RCOR1: variants seen among roughly 807,000 people sequenced by gnomAD.
RCOR1 encodes the protein REST corepressor.
A neutral mutation model predicts 64.0 loss-of-function variants in RCOR1; 12 were observed. The observed-to-expected ratio is 0.19, with a 90% CI of 0.12 to 0.30. The LOEUF (loss-of-function observed/expected upper bound fraction) is 0.30. Among genes scored for constraint, RCOR1 ranks in the 10% least tolerant of loss-of-function variants. The pLI, the probability that RCOR1 is intolerant of heterozygous loss-of-function variation, is 1.00. For missense variants in RCOR1, 502 were observed against 621.2 expected (o/e 0.81, Z 2.04); for synonymous variants, 279 against 227.2 (o/e 1.23, Z -2.05).
intron 8 of RCOR1, among the ~76,000 whole-genome samples, chr14:102,718,547 A>G (rs1358933427): frequency 6.6e-6 from 1 of 152,076 alleles, no homozygotes; most frequent in African/African-American, 2.4e-5. Flanking sequence ...TGCCCACAGT[A>G]AAGTAGAAAA....
chr14:102,607,893 CA>C (rs1206741445), intron 2 of RCOR1, among the ~76,000 whole-genome samples: 1 of 151,618 alleles, frequency 6.6e-6, no homozygotes, highest in Non-Finnish European at 1.5e-5. Flanking sequence ...AGAAAAACCA[CA>C]AAGTACAAAA....
chr14:102,601,186 C>T (rs966709308), intron 2 of RCOR1, among the ~76,000 whole-genome samples: 2 of 150,986 alleles, frequency 1.3e-5, no homozygotes, highest in Non-Finnish European at 2.9e-5. Context: ...GAGACTCTGT[C>T]TCAAAAAAAA....
chr14:102,666,073 A>G (rs1186437861), intron 2 of RCOR1, among the ~76,000 whole-genome samples: 3 of 152,184 alleles, frequency 2.0e-5, no homozygotes, highest in Non-Finnish European at 4.4e-5. Context: ...GAGTAAGCAG[A>G]CTTACAAAGA....
At chr14:102,676,333 CG>C (rs1209550174) in intron 2 of RCOR1, among the ~76,000 whole-genome samples, 1 of 136,430 alleles carries the variant, frequency 7.3e-6, no homozygotes, top group Non-Finnish European at 1.6e-5. Flanking sequence ...GCTGGCCGGG[CG>C]GGGGGCTGAC....
Position 102,592,852 on chromosome 14 carries a change from TCCCCGCCACTTTCGCACGGCCCCGGCC to T in RCOR1, c.-31_-5del, listed in dbSNP as rs1362170488. 3 of 1,171,738 alleles carry T rather than the reference TCCCCGCCACTTTCGCACGGCCCCGGCC, an allele frequency of 2.6e-6. No homozygotes were observed. Among genetic ancestry groups the T allele is most frequent in the African/African-American group, 1.7e-5 (1 of 58,958 alleles). The allele number at this position is 1,171,738 out of a possible 1,614,324, so 72.6% of individuals were successfully genotyped here. A position where few individuals can be genotyped will look rare whatever the true frequency, so the allele number is the denominator to read the frequency against. On this transcript the variant is annotated 5_prime_UTR_variant, in exon 1 of 12. Coordinates refer to ENST00000262241, the MANE Select transcript of RCOR1 (RefSeq NM_015156.4). ...GCGCCCCCTCCTCAGGAGCCGCGGG[TCCCCGCCACTTTCGCACGGCCCCGGCC>T]CCCGCCGATGCCGGCCATGGTGGAG...
At chr14:102,596,170 G>A (rs1334752378) in intron 2 of RCOR1, among the ~76,000 whole-genome samples, 1 of 150,414 alleles carries the variant, frequency 6.6e-6, no homozygotes, top group Non-Finnish European at 1.5e-5. Context: ...GGCGTGATCT[G>A]GGCTCACCGC....
chr14:102,593,417 TTC>T (rs1893175897), intron 2 of RCOR1, 92 bp downstream of exon 2: 4 of 1,337,524 alleles, frequency 3.0e-6, no homozygotes, highest in Non-Finnish European at 3.9e-6. Flanking sequence ...GCCGACAACT[TTC>T]TTTTTGTGCG....
rs150953766 is a variant in RCOR1 at position 102,718,777 on chromosome 14, C to T, written c.1054-2230C>T. On this transcript the variant is annotated intron_variant, in intron 8 of 11. Coordinates refer to ENST00000262241, the MANE Select transcript of RCOR1 (RefSeq NM_015156.4). ...TGCTTAATAAACACTAGATGTTTGG[C>T]GGGGGGAAGGGGGCGTATTTTGTTT... Among the ~76,000 whole-genome samples, 29 of 151,776 alleles carry T rather than the reference C, an allele frequency of 1.9e-4. No individual in the cohort carries two copies. In the East Asian group the frequency reaches 2.9e-3, roughly 15 times the overall value.
At chr14:102,680,990 T>A (rs1210642590) in intron 2 of RCOR1, among the ~76,000 whole-genome samples, 1 of 152,170 alleles carries the variant, frequency 6.6e-6, no homozygotes, top group Non-Finnish European at 1.5e-5. Flanking sequence ...CAGATTTTAC[T>A]AAAAATGTAA....
chr14:102,600,955 C>T (rs534713541), intron 2 of RCOR1, among the ~76,000 whole-genome samples: 2 of 150,836 alleles, frequency 1.3e-5, no homozygotes, highest in Non-Finnish European at 1.5e-5. Context: ...TTTGGGAGGC[C>T]GAGGCAGGCG....
chr14:102,726,801 C>G lies in RCOR1; in HGVS notation c.*295C>G. ...GGGAACCGCCTCTCCCGCCGGAGCC[C>G]CCGAGCCCCACCAATGGCAGCTCTT... On this transcript the variant is annotated 3_prime_UTR_variant, in exon 12 of 12. Transcript: ENST00000262241. 1 of 389,180 alleles carries G rather than the reference C, an allele frequency of 2.6e-6. No individual in the cohort carries two copies. The highest frequency in any genetic ancestry group is 4.6e-6 in the Non-Finnish European group (1 of 218,888). 24.1% of individuals were successfully genotyped at this position (389,180 alleles called of 1,614,324 possible). A position where few individuals can be genotyped will look rare whatever the true frequency, so the allele number is the denominator to read the frequency against.
At chr14:102,676,625 G>GA (rs2139954679) in intron 2 of RCOR1, among the ~76,000 whole-genome samples, 1 of 88,080 alleles carries the variant, frequency 1.1e-5, no homozygotes. Context: ...GGCTGGCCAG[G>GA]TGGGGGGCTG....
At chr14:102,678,077 C>A (rs1414856542) in intron 2 of RCOR1, among the ~76,000 whole-genome samples, 1 of 151,224 alleles carries the variant, frequency 6.6e-6, no homozygotes, top group Admixed American at 6.6e-5. Flanking sequence ...GCGGCGCGCG[C>A]CTGCAATCGC....
intron 11 of RCOR1, among the ~76,000 whole-genome samples, chr14:102,724,684 TGCC>T (rs1399468418): frequency 6.6e-6 from 1 of 152,218 alleles, no homozygotes; most frequent in African/African-American, 2.4e-5. Flanking sequence ...ACCCCTGCCC[TGCC>T]ACCTAGTTTT....
intron 2 of RCOR1, among the ~76,000 whole-genome samples, chr14:102,677,184 A>G (rs1360086947): frequency 2.7e-5 from 3 of 111,774 alleles, no homozygotes; most frequent in Non-Finnish European, 3.7e-5. Context: ...TCCCTCCCGG[A>G]CGGGGCGGCT....
chr14:102,595,310 T>C (rs1435499096), intron 2 of RCOR1, among the ~76,000 whole-genome samples: 1 of 152,140 alleles, frequency 6.6e-6, no homozygotes, highest in Non-Finnish European at 1.5e-5. Context: ...GAGACCAGCC[T>C]GGGCAATGTA....
At chr14:102,712,947 GTTTTTTTTTTTTT>G (rs67246962) in intron 7 of RCOR1, among the ~76,000 whole-genome samples, 3 of 77,688 alleles carry the variant, frequency 3.9e-5, no homozygotes, top group South Asian at 5.7e-4. Context: ...CTAAATCATT[GTTTTTTTTTTTTT>G]TTTTTTTTTT....
At chr14:102,625,839 G>A (rs1246298629) in intron 2 of RCOR1, among the ~76,000 whole-genome samples, 1 of 152,066 alleles carries the variant, frequency 6.6e-6, no homozygotes, top group Non-Finnish European at 1.5e-5. Flanking sequence ...ATTTCAGTAT[G>A]CCTAATGATA....
intron 2 of RCOR1, among the ~76,000 whole-genome samples, chr14:102,633,125 A>G (rs970709899): frequency 6.6e-6 from 1 of 151,744 alleles, no homozygotes; most frequent in South Asian, 2.1e-4. Context: ...TTTTCAACCT[A>G]TATGCTGACC....
Sources: allele counts gnomAD v4.1 joint callset (sites outside exome capture counted in the v4.1 genomes callset), GRCh38; gene constraint gnomAD v4.1.1; transcripts MANE v1.5; gene names NCBI Gene and HGNC (gene_info 2026-07-23, HGNC 2026-07-21).